Variants in NAV2 observed in about 807,000 individuals in gnomAD.
NAV2 encodes the protein helicase, APC down-regulated 1.
In NAV2, 54 loss-of-function variants were observed where a neutral mutation model predicts 223.2. The ratio of observed to expected loss-of-function variants is 0.24; its 90% confidence interval spans 0.19 to 0.30. The LOEUF (loss-of-function observed/expected upper bound fraction) is 0.30, where lower values mean the gene tolerates loss of function less well. Among genes scored for constraint, NAV2 ranks in the 10% least tolerant of loss-of-function variants. The pLI, the probability that NAV2 is intolerant of heterozygous loss-of-function variation, is 1.00. For missense variants in NAV2, 2,806 were observed against 3,147.5 expected (o/e 0.89, Z 2.60); for synonymous variants, 1,279 against 1,239.3 (o/e 1.03, Z -0.67).
intron 19 of NAV2, among the ~76,000 whole-genome samples, chr11:20,056,356 G>T (rs1367295713): frequency 2.0e-5 from 3 of 152,216 alleles, no homozygotes; most frequent in African/African-American, 7.2e-5. Context: ...ACATGCCCCT[G>T]TAGCTCTGGG....
In NAV2 at chr11:19,933,875, C is replaced by G; in HGVS notation, c.1631C>G (p.Pro544Arg). ...TCCTCCAAGATTGCCAGCTTCATCC[C>G]CAAAGGGGGGAAGCTCAACAGTGCC... ...KKSSKIASFI[P>R]KGGKLNSAKK... Residue 544 changes from proline to arginine, a missense_variant, in exon 7 of 38, where the codon CCC becomes CGC. Physicochemically the swap from Pro to Arg is moderately radical, Grantham distance 103. Transcript: ENST00000349880. This position sits in a 1 kb window ranked among gnomAD's most constrained non-coding sequence, Gnocchi z 4.3. 1 of 1,600,982 alleles carries G rather than the reference C, an allele frequency of 6.2e-7. No individual in the cohort carries two copies. The highest frequency in any genetic ancestry group is 8.5e-7 in the Non-Finnish European group (1 of 1,175,484).
At chr11:20,071,483 T>C (rs1388798590) in intron 22 of NAV2, among the ~76,000 whole-genome samples, 2 of 152,208 alleles carry the variant, frequency 1.3e-5, no homozygotes, top group Non-Finnish European at 2.9e-5. Context: ...TACCCAGTAA[T>C]GGGATTGCTG....
chr11:19,820,891 C>T (rs1014478173), intron 1 of NAV2, among the ~76,000 whole-genome samples: 1 of 152,146 alleles, frequency 6.6e-6, no homozygotes. Context: ...CTTCCTAGCA[C>T]ATAGGGGATA....
At chr11:20,083,640 A>G (rs1303141358) in intron 26 of NAV2, among the ~76,000 whole-genome samples, 2 of 152,220 alleles carry the variant, frequency 1.3e-5, no homozygotes, top group Non-Finnish European at 2.9e-5. Flanking sequence ...GGTAGTCTGC[A>G]AGGAAAGTTG....
At chr11:19,711,641 T>C (rs2049883437), upstream of NAV2, 2 of 152,194 alleles carry the variant, frequency 1.3e-5, no homozygotes, top group Non-Finnish European at 1.5e-5. Flanking sequence ...GATCAGGCTA[T>C]AGGGTGGGCA....
chr11:19,936,909 G>A lies in NAV2; in HGVS notation c.2033+2632G>A, dbSNP rs578136067. On this transcript the variant is annotated intron_variant, in intron 7 of 37. Coordinates refer to ENST00000349880, the MANE Select transcript of NAV2 (RefSeq NM_145117.5). ...TCCCAGCACTTTGGAAGGTCAAGGT[G>A]GGCAGATCACTTGAGGTCAGGGGTT... 2.7e-3 allele frequency among the ~76,000 whole-genome samples: 408 copies of A among 152,232 alleles called. 1 individual carries two copies. Among genetic ancestry groups the A allele is most frequent in the African/African-American group, 9.2e-3 (383 of 41,546 alleles).
rs188527952 is a variant in NAV2, at chr11:19,639,470, C to G, written c.76-193014C>G. ...AGATCTAGCACTGTATATAGAATGGCAAAATATTTTGAGATATTTTAGCAA... is the reference window on the plus strand; with the variant it reads ...AGATCTAGCACTGTATATAGAATGGGAAAATATTTTGAGATATTTTAGCAA... On this transcript the variant is annotated intron_variant, in intron 1 of 37. Transcript: ENST00000360655. Among the ~76,000 whole-genome samples, 72 of 152,242 alleles carry G rather than the reference C, an allele frequency of 4.7e-4. 1 individual carries two copies. Among genetic ancestry groups the G allele is most frequent in the Middle Eastern group, 6.8e-3 (2 of 292 alleles).
At chr11:19,848,247 C>T (rs947946889) in intron 3 of NAV2, among the ~76,000 whole-genome samples, 2 of 152,172 alleles carry the variant, frequency 1.3e-5, no homozygotes, top group Admixed American at 1.3e-4. Flanking sequence ...AGCAGAACCC[C>T]TCATTTTCCC....
intron 1 of NAV2, among the ~76,000 whole-genome samples, chr11:19,668,611 G>T (rs2048494255): frequency 6.7e-6 from 1 of 149,028 alleles, no homozygotes; most frequent in Admixed American, 6.7e-5. Context: ...GCTCAGTGAT[G>T]ATCTTGCATC....
intron 1 of NAV2, among the ~76,000 whole-genome samples, chr11:19,466,984 T>TCTCTACACACACAC (rs200910419): frequency 2.3e-4 from 29 of 125,194 alleles, no homozygotes; most frequent in Non-Finnish European, 3.3e-5. Flanking sequence ...TCTCTCTCTC[T>TCTCTACACACACAC]ACACACACAC....
At chr11:19,679,545 T>C (rs1231511478) in intron 1 of NAV2, among the ~76,000 whole-genome samples, 1 of 152,230 alleles carries the variant, frequency 6.6e-6, no homozygotes, top group Non-Finnish European at 1.5e-5. Flanking sequence ...GTTTCTGTTT[T>C]TGTTTAGAAG....
chr11:19,854,219 T>C (rs936497642), intron 3 of NAV2, among the ~76,000 whole-genome samples: 1 of 152,188 alleles, frequency 6.6e-6, no homozygotes, highest in Non-Finnish European at 1.5e-5. Flanking sequence ...TTTTTGTATA[T>C]GTGTTGTTTT....
At chr11:19,913,457 C>G (rs1462654078) in intron 6 of NAV2, among the ~76,000 whole-genome samples, 1 of 152,210 alleles carries the variant, frequency 6.6e-6, no homozygotes, top group Non-Finnish European at 1.5e-5. Context: ...AGCTGGGTTT[C>G]TGGCTAGCTT....
chr11:19,709,264 C>T (rs555644284), upstream of NAV2, among the ~76,000 whole-genome samples: 2 of 152,102 alleles, frequency 1.3e-5, no homozygotes, highest in South Asian at 2.1e-4. Flanking sequence ...GAGATAGGGC[C>T]AGGCACGGTG....
At chr11:19,538,890 T>TA (rs2044260819) in intron 1 of NAV2, among the ~76,000 whole-genome samples, 1 of 128,576 alleles carries the variant, frequency 7.8e-6, no homozygotes, top group African/African-American at 4.5e-5. Flanking sequence ...ATAATGACAT[T>TA]TTATATATAT....
At chr11:19,586,319 T>C (rs930345540) in intron 1 of NAV2, among the ~76,000 whole-genome samples, 4 of 152,158 alleles carry the variant, frequency 2.6e-5, no homozygotes, top group Non-Finnish European at 4.4e-5. Flanking sequence ...TTGCCATGGG[T>C]TCGAACTTCC....
rs750907866 is a variant in NAV2, at chr11:20,114,763, A to G, written c.7132A>G (p.Met2378Val). 6 of 1,613,928 alleles carry G rather than the reference A, an allele frequency of 3.7e-6. No homozygotes were observed. Among genetic ancestry groups the G allele is most frequent in the Non-Finnish European group, 5.1e-6 (6 of 1,179,958 alleles). Reference sequence around the variant, plus strand: ...TCGGGAGGGATCGACAAGCAAGCAGATGCCCCCCAGTGATGCTGAAGGTGA... The same window carrying G: ...TCGGGAGGGATCGACAAGCAAGCAGGTGCCCCCCAGTGATGCTGAAGGTGA... ...MPREGSTSKQMPPSDAEGDPL... is the reference protein window; with the variant it reads ...MPREGSTSKQVPPSDAEGDPL... The change falls in exon 37 of 38, where the codon ATG becomes GTG. Residue 2378 changes from methionine (M) to valine (V), a missense_variant. Around this residue, in one of 4 missense-constraint regions of NAV2, gnomAD observed 824 missense variants for 1,069.4 expected, o/e 0.77. Coordinates refer to ENST00000349880, the MANE Select transcript of NAV2 (RefSeq NM_145117.5).
At chr11:19,653,270 T>G (rs2048022237) in intron 1 of NAV2, among the ~76,000 whole-genome samples, 1 of 152,242 alleles carries the variant, frequency 6.6e-6, no homozygotes, top group Non-Finnish European at 1.5e-5. Flanking sequence ...CAGCCTGAGT[T>G]CTTAAAGTAT....
intron 3 of NAV2, among the ~76,000 whole-genome samples, chr11:19,846,161 G>C (rs543083816): frequency 8.5e-5 from 13 of 152,166 alleles, no homozygotes; most frequent in Non-Finnish European, 1.6e-4. Flanking sequence ...GATTCCAAGT[G>C]GAGACAGCCA....
Sources: gnomAD v4.1 joint callset for allele counts (sites outside exome capture counted in the v4.1 genomes callset) on GRCh38, gnomAD v4.1.1 for gene constraint, gnomAD v4.1.1 regional missense constraint, Gnocchi (gnomAD v3.1) non-coding constraint, MANE v1.5 for transcripts, NCBI Gene and HGNC (gene_info 2026-07-23, HGNC 2026-07-21) for gene names.